Variants in MRC1 observed in about 807,000 individuals in gnomAD.
MRC1 encodes macrophage mannose receptor 1.
In MRC1, 62 loss-of-function variants were observed where a neutral mutation model predicts 102.9. The observed-to-expected ratio is 0.60, with a 90% CI of 0.49 to 0.74. MRC1 has a LOEUF of 0.74. Ranked by LOEUF, MRC1 falls within the 30% of genes least tolerant of loss-of-function variation. MRC1 has a pLI of 0.00. For missense variants in MRC1, 1,237 were observed against 862.8 expected (o/e 1.43, Z -5.43); for synonymous variants, 457 against 298.4 (o/e 1.53, Z -5.48).
chr10:17,833,063 A>G (rs1554839180), intron 3 of MRC1, among the ~76,000 whole-genome samples: 2 of 120,590 alleles, frequency 1.7e-5, no homozygotes, highest in African/African-American at 3.2e-5. Context: ...TTGTCTTTAT[A>G]TTTGTCTCAC....
In MRC1 at chr10:17,809,521, T is replaced by C; in HGVS notation, c.56T>C (p.Leu19Pro). 1 of 872,800 alleles carries C rather than the reference T, an allele frequency of 1.1e-6. No individual in the cohort carries two copies. Among genetic ancestry groups the C allele is most frequent in the Non-Finnish European group, 2.0e-6 (1 of 501,510 alleles). The allele number at this position is 872,800 out of a possible 1,614,324, so 54.1% of individuals were successfully genotyped here. The stretch of plus-strand genomic sequence containing the variant: ...TCTGTCATTCCGGGTGCTGTTCTCC[T>C]ACTGGGTAAGTCTGCTCTGAGGCAG... ...FASVIPGAVL[L>P]LDTRQFLIYN... Residue 19 changes from leucine (L) to proline (P), a missense_variant, in exon 1 of 30, where the codon CTA becomes CCA. Coordinates refer to ENST00000569591, the MANE Select transcript of MRC1 (RefSeq NM_002438.4).
intron 26 of MRC1, among the ~76,000 whole-genome samples, chr10:17,906,580 T>A: frequency 6.6e-6 from 1 of 152,212 alleles, no homozygotes; most frequent in East Asian, 1.9e-4. Context: ...AATATTTCTT[T>A]GTACTCTTGT....
At chr10:17,903,644 C>T (rs979238596) in intron 26 of MRC1, among the ~76,000 whole-genome samples, 8 of 152,112 alleles carry the variant, frequency 5.3e-5, no homozygotes, top group Admixed American at 3.3e-4. Flanking sequence ...TATCCACCTG[C>T]CTCGGCTTCC....
intron 4 of MRC1, among the ~76,000 whole-genome samples, 153 bp downstream of exon 4, chr10:17,833,992 A>C (rs1035763966): frequency 2.0e-5 from 3 of 152,240 alleles, no homozygotes; most frequent in African/African-American, 7.2e-5. Context: ...GTACTCTGAA[A>C]ATGACACCAG....
Position 17,907,714 on chromosome 10 carries a change from G to A in MRC1, c.4078+16G>A. ...AGACCAAAAAGTAAGTAAGAAGTTT[G>A]TTGCATGGTGCATATCACTGGCTGC... On this transcript the variant is annotated intron_variant, in intron 28 of 29. Transcript: ENST00000569591. 7 of 780,710 alleles carry A rather than the reference G, an allele frequency of 9.0e-6. No individual in the cohort carries two copies. The highest frequency in any genetic ancestry group is 2.4e-5 in the East Asian group (1 of 41,244). The allele number at this position is 780,710 out of a possible 1,614,324, so 48.4% of individuals were successfully genotyped here.
intron 7 of MRC1, 82 bp downstream of exon 7, chr10:17,849,846 T>G: frequency 1.5e-6 from 1 of 660,376 alleles, no homozygotes. Context: ...AATTCTATCA[T>G]AAACATCAAA....
intron 22 of MRC1, among the ~76,000 whole-genome samples, chr10:17,892,217 C>T (rs1322695155): frequency 6.6e-6 from 1 of 152,168 alleles, no homozygotes. Flanking sequence ...CCAGTCTGCA[C>T]TGTAAGAATC....
intron 1 of MRC1, among the ~76,000 whole-genome samples, chr10:17,818,295 A>G (rs1838342674): frequency 6.6e-6 from 1 of 152,224 alleles, no homozygotes; most frequent in African/African-American, 2.4e-5. Flanking sequence ...TCATTCATTC[A>G]ACTAATTATT....
At chr10:17,818,544 C>T (rs894316495) in intron 1 of MRC1, among the ~76,000 whole-genome samples, 1 of 152,192 alleles carries the variant, frequency 6.6e-6, no homozygotes, top group Non-Finnish European at 1.5e-5. Flanking sequence ...CGCAGTGGCT[C>T]ACACCTGTAA....
At position 17,881,074 on chromosome 10, in the gene MRC1, A is replaced by G; in HGVS notation, c.2873A>G (p.Lys958Arg). 1 of 780,710 alleles carries G rather than the reference A, an allele frequency of 1.3e-6. No homozygotes were observed. Among genetic ancestry groups the G allele is most frequent in the Middle Eastern group, 2.3e-4 (1 of 4,384 alleles). 48.4% of individuals were successfully genotyped at this position (780,710 alleles called of 1,614,324 possible). A position where few individuals can be genotyped will look rare whatever the true frequency, so the allele number is the denominator to read the frequency against. ...GWNFYSNKCF[K>R]IFGFMEEERK... ...GCCCCTCTTCCATCCCAGTGTTTCA[A>G]AATCTTTGGATTTATGGAAGAAGAA... The change falls in exon 21 of 30, where the codon AAA becomes AGA. Residue 958 changes from lysine to arginine, a missense_variant. Transcript: ENST00000569591.
rs1293845118 is a variant in MRC1, at chr10:17,891,144, T to C, written c.3148-3066T>C. ...TTGTATCACTAGTTTTATTTATTTA[T>C]TTATTTATTTATTTATTTATTTATT... On this transcript the variant is annotated intron_variant, in intron 22 of 29. Coordinates refer to ENST00000569591, the MANE Select transcript of MRC1 (RefSeq NM_002438.4). Among the ~76,000 whole-genome samples, 3 of 138,652 alleles carry C rather than the reference T, an allele frequency of 2.2e-5. No individual in the cohort carries two copies. In the East Asian group the frequency reaches 9.1e-4, roughly 42 times the overall value. The allele number at this position is 138,652 out of a possible 152,430, so 91.0% of individuals were successfully genotyped here. A position where few individuals can be genotyped will look rare whatever the true frequency, so the allele number is the denominator to read the frequency against.
chr10:17,852,126 G>A (rs1838926384), intron 7 of MRC1, among the ~76,000 whole-genome samples: 1 of 152,022 alleles, frequency 6.6e-6, no homozygotes, highest in Non-Finnish European at 1.5e-5. Flanking sequence ...AACCTTCATT[G>A]ACTTTAACTT....
intron 1 of MRC1, among the ~76,000 whole-genome samples, chr10:17,809,898 G>A (rs369767387): frequency 0.16 from 24,539 of 152,052 alleles, 2,558 homozygotes; most frequent in Non-Finnish European, 0.23. Context: ...CTGTCTCACC[G>A]CCAACAAACA....
chr10:17,889,933 T>C (rs1157150212), intron 22 of MRC1, among the ~76,000 whole-genome samples: 2 of 152,204 alleles, frequency 1.3e-5, no homozygotes, highest in African/African-American at 4.8e-5. Flanking sequence ...TTCATTTATC[T>C]ATATAGACCT....
intron 15 of MRC1, among the ~76,000 whole-genome samples, chr10:17,873,406 A>C (rs1833381866): frequency 6.6e-6 from 1 of 152,130 alleles, no homozygotes; most frequent in Admixed American, 6.5e-5. Context: ...AAACTAATCT[A>C]TTTGGTTTAG....
chr10:17,854,813 C>T lies in MRC1; in HGVS notation c.1408-1429C>T, dbSNP rs900135379. ...AAGCGATTCTCCTGCCTCAGCCTCCCGAGTAGCTGAGATTACAAGCGTGCA... is the reference window on the plus strand; with the variant it reads ...AAGCGATTCTCCTGCCTCAGCCTCCTGAGTAGCTGAGATTACAAGCGTGCA... On this transcript the variant is annotated intron_variant, in intron 8 of 29. Coordinates refer to ENST00000569591, the MANE Select transcript of MRC1 (RefSeq NM_002438.4). 1,214 of 168,360 alleles carry T rather than the reference C, an allele frequency of 7.2e-3. 7 individuals carry two copies. The highest frequency in any genetic ancestry group is 8.9e-3 in the Non-Finnish European group (686 of 77,360). 10.4% of individuals were successfully genotyped at this position (168,360 alleles called of 1,614,324 possible). A position where few individuals can be genotyped will look rare whatever the true frequency, so the allele number is the denominator to read the frequency against.
At chr10:17,869,884 G>T (rs974969040) in intron 12 of MRC1, among the ~76,000 whole-genome samples, 1 of 152,112 alleles carries the variant, frequency 6.6e-6, no homozygotes, top group African/African-American at 2.4e-5. Context: ...TGTATCAAAA[G>T]TGTCTTTCAT....
chr10:17,877,176 A>G (rs1374685304), intron 17 of MRC1, among the ~76,000 whole-genome samples: 1 of 148,902 alleles, frequency 6.7e-6, no homozygotes, highest in South Asian at 2.1e-4. Flanking sequence ...TTGTTCATGA[A>G]TACACATGTT....
intron 12 of MRC1, among the ~76,000 whole-genome samples, chr10:17,867,243 C>G (rs782339025): frequency 0.19 from 28,982 of 148,670 alleles, 3,265 homozygotes; most frequent in African/African-American, 0.29. Flanking sequence ...TCCTCTCTCC[C>G]CCTTCCCCCT....
Sources: gnomAD v4.1 joint callset for allele counts (sites outside exome capture counted in the v4.1 genomes callset) on GRCh38, gnomAD v4.1.1 for gene constraint, MANE v1.5 for transcripts, NCBI Gene and HGNC (gene_info 2026-07-23, HGNC 2026-07-21) for gene names.